The following CDC42BPB variants were observed in gnomAD, a reference collection of about 807,000 sequenced individuals.
CDC42BPB encodes serine/threonine-protein kinase MRCK beta.
A neutral mutation model predicts 214.9 loss-of-function variants in CDC42BPB; 37 were observed. The ratio of observed to expected loss-of-function variants is 0.17; its 90% confidence interval spans 0.13 to 0.23. The LOEUF (loss-of-function observed/expected upper bound fraction) is 0.23, where lower values mean the gene tolerates loss of function less well. Ranked by LOEUF, CDC42BPB falls within the 10% of genes least tolerant of loss-of-function variation. CDC42BPB has a pLI of 1.00. For missense variants in CDC42BPB, 1,694 were observed against 2,227.0 expected, an observed-to-expected ratio of 0.76 and a Z score of 4.82; for synonymous variants, 931 against 884.0, an observed-to-expected ratio of 1.05 and a Z score of -0.94.
chr14:103,028,813 T>C (rs1264104460), intron 1 of CDC42BPB, among the ~76,000 whole-genome samples: 1 of 152,248 alleles, frequency 6.6e-6, no homozygotes, highest in Non-Finnish European at 1.5e-5. Context: ...ATTTTATCTT[T>C]TATTATTTTT....
At chr14:103,021,480 C>T (rs899303161) in intron 1 of CDC42BPB, among the ~76,000 whole-genome samples, 2 of 149,418 alleles carry the variant, frequency 1.3e-5, no homozygotes, top group African/African-American at 2.5e-5. Flanking sequence ...AAAAAGACAT[C>T]AAGGCCATCC....
At chr14:102,967,408 C>T in intron 16 of CDC42BPB, 1 of 950,608 alleles carries the variant, frequency 1.1e-6, no homozygotes, top group South Asian at 4.9e-5. Flanking sequence ...CAATTGGCAT[C>T]TTTTCGCTGA....
rs147452606 is a variant in CDC42BPB, at chr14:102,956,790, C to T, written c.2902-2102G>A. Among the ~76,000 whole-genome samples, 167 of 152,108 alleles carry T rather than the reference C, an allele frequency of 1.1e-3. 1 individual carries two copies. The highest frequency in any genetic ancestry group is 0.011 in the East Asian group (55 of 5,168). On this transcript the variant is annotated intron_variant, in intron 21 of 36. Transcript: ENST00000361246. ...GTTGCAGTGAGCTATGATGGTGGCACGGCACTCCAGCCTGGGCAGCAGAAG... is the reference window on the plus strand; with the variant it reads ...GTTGCAGTGAGCTATGATGGTGGCATGGCACTCCAGCCTGGGCAGCAGAAG...
intron 36 of CDC42BPB, among the ~76,000 whole-genome samples, chr14:102,935,812 C>T (rs969749104): frequency 6.8e-6 from 1 of 147,038 alleles, no homozygotes; most frequent in Non-Finnish European, 1.5e-5. Context: ...ATGTAAATAA[C>T]GACAACCCAT....
In CDC42BPB at chr14:102,933,745, G is replaced by C. The variant is rs35239675; in HGVS notation, c.5103C>G (p.Leu1701=). ...PNSPHRSQLP[L]EGLEQPACDT ...CACAGGCCGGCTGCTCCAGGCCTTC[G>C]AGGGGGAGCTGGCTCCTGTGGGGGG... Residue 1701 remains leucine, a synonymous_variant, in exon 37 of 37, where the codon CTC becomes CTG. Transcript: ENST00000361246. 112 of 1,493,482 alleles carry C rather than the reference G, an allele frequency of 7.5e-5. No individual in the cohort carries two copies. The African/African-American group carries it at 1.2e-3, about 15-fold the overall frequency. The allele number at this position is 1,493,482 out of a possible 1,614,324, so 92.5% of individuals were successfully genotyped here.
chr14:103,018,946 T>A (rs1370191237), intron 1 of CDC42BPB, among the ~76,000 whole-genome samples: 1 of 152,034 alleles, frequency 6.6e-6, no homozygotes, highest in African/African-American at 2.4e-5. Context: ...TTCGGTTTTT[T>A]GGTTTGTTTG....
chr14:102,935,996 T>C (rs1410181340), intron 36 of CDC42BPB, among the ~76,000 whole-genome samples: 1 of 152,026 alleles, frequency 6.6e-6, no homozygotes, highest in Non-Finnish European at 1.5e-5. Context: ...AACAAGCATA[T>C]GAAAAGATGC....
intron 24 of CDC42BPB, among the ~76,000 whole-genome samples, chr14:102,951,165 G>A (rs35713138): frequency 6.6e-6 from 1 of 152,214 alleles, no homozygotes; most frequent in Non-Finnish European, 1.5e-5. Flanking sequence ...CTGCCAGCCC[G>A]GGCCGCCTCC....
intron 1 of CDC42BPB, among the ~76,000 whole-genome samples, chr14:103,044,530 C>T (rs1206888111): frequency 1.3e-5 from 2 of 152,028 alleles, no homozygotes; most frequent in Non-Finnish European, 2.9e-5. Flanking sequence ...CCACCATGCC[C>T]GGCTAACTTT....
Position 102,950,528 on chromosome 14 carries a change from T to G in CDC42BPB, c.3247A>C (p.Lys1083Gln), listed in dbSNP as rs1466712824. ...TGCACGTCCACGCCCAGAGGCCTCT[T>G]GGACTGCTCGGGAGGTATTGGGCAC... ...QVCPIPPEQSKRPLGVDVQRG... is the reference protein window; with the variant it reads ...QVCPIPPEQSQRPLGVDVQRG... The change falls in exon 25 of 37, where the codon AAG (lysine) becomes CAG (glutamine). Residue 1083 changes from lysine (K) to glutamine (Q), a missense_variant. This residue lies in a region of CDC42BPB where 567 missense variants were observed against 790.3 expected (regional missense o/e 0.72). Coordinates refer to ENST00000361246, the MANE Select transcript of CDC42BPB (RefSeq NM_006035.4). 6.2e-7 allele frequency: 1 copy of G among 1,613,096 alleles called. No homozygotes were observed. Among genetic ancestry groups the G allele is most frequent in the Non-Finnish European group, 8.5e-7 (1 of 1,179,868 alleles).
Position 102,944,806 on chromosome 14 carries a change from G to A in CDC42BPB, c.3812-319C>T. On this transcript the variant is annotated intron_variant, in intron 29 of 36. Transcript: ENST00000361246. The surrounding 1 kb of genome is among the most constrained non-coding windows in gnomAD (Gnocchi z 6.6). ...CTCCAGCTGGGCAGCGCTTCCACCT[G>A]GGTCCTCGCGCAGCAAGGCCCTGGG... The A allele has an allele frequency of 2.7e-6, 1 of 364,194 alleles. No homozygotes were observed. The highest frequency in any genetic ancestry group is 3.8e-6 in the Non-Finnish European group (1 of 262,338). The allele number at this position is 364,194 out of a possible 1,614,324, so 22.6% of individuals were successfully genotyped here.
intron 9 of CDC42BPB, among the ~76,000 whole-genome samples, chr14:102,977,258 G>C (rs1893791489): frequency 6.9e-6 from 1 of 145,292 alleles, no homozygotes; most frequent in Non-Finnish European, 1.5e-5. Flanking sequence ...GGAATCGCTT[G>C]AACCCGGGAG....
chr14:102,959,860 A>AG lies in CDC42BPB; in HGVS notation c.2822-151dup, dbSNP rs1367812923. Reference sequence around the variant, plus strand: ...AATTAAAAAAAAAAAAAAAAAAAAAAGGGGTCAGGCTTTTCCCCAGAGAGT... The same window carrying AG: ...AATTAAAAAAAAAAAAAAAAAAAAAAGGGGGTCAGGCTTTTCCCCAGAGAGT... On this transcript the variant is annotated intron_variant, in intron 20 of 36. Coordinates refer to ENST00000361246, the MANE Select transcript of CDC42BPB (RefSeq NM_006035.4). The AG allele has an allele frequency of 2.6e-4, 301 of 1,145,668 alleles. 1 individual carries two copies. In the African/African-American group the frequency reaches 4.4e-3, roughly 17 times the overall value. 71.0% of individuals were successfully genotyped at this position (1,145,668 alleles called of 1,614,324 possible).
Position 102,944,455 on chromosome 14 carries a change from G to T in CDC42BPB, c.3844C>A (p.His1282Asn). Residue 1282 changes from histidine (H) to asparagine (N), a missense_variant, in exon 30 of 37, where the codon CAC becomes AAC. His to Asn is a moderately conservative substitution (Grantham distance 68). Coordinates refer to ENST00000361246, the MANE Select transcript of CDC42BPB (RefSeq NM_006035.4). This position sits in a 1 kb window ranked among gnomAD's most constrained non-coding sequence, Gnocchi z 6.6. ...TCCCTGGGAGCAAGCTCGATCTGGT[G>T]TACCTTCTTACAGTCAGCGGCACGG... Reference protein sequence around the residue: ...IVRAADCKKVHQIELAPREKI... With the variant: ...IVRAADCKKVNQIELAPREKI... The T allele has an allele frequency of 6.2e-7, 1 of 1,612,874 alleles. No individual in the cohort carries two copies. Among genetic ancestry groups the T allele is most frequent in the Non-Finnish European group, 8.5e-7 (1 of 1,179,936 alleles).
intron 1 of CDC42BPB, among the ~76,000 whole-genome samples, chr14:103,036,435 G>A (rs951598820): frequency 2.6e-5 from 4 of 151,988 alleles, no homozygotes; most frequent in Non-Finnish European, 4.4e-5. Flanking sequence ...GATTATAGGC[G>A]TGAGCCACCG....
intron 6 of CDC42BPB, among the ~76,000 whole-genome samples, chr14:102,984,105 T>C (rs1894128858): frequency 6.6e-6 from 1 of 152,150 alleles, no homozygotes; most frequent in Admixed American, 6.5e-5. Context: ...GCACTAAACA[T>C]TATGCGGCTC....
chr14:102,972,079 TGCAGGGCCA>T lies in CDC42BPB; in HGVS notation c.1715_1723del (p.Leu572_Leu574del). ...GCGCTCGTTCAGCTCCGAGAACTCC[TGCAGGGCCA>T]GCTTTCGCTGCTGATGGGCATCTTT... is the stretch of plus-strand genomic sequence containing the variant. On this transcript the variant is annotated inframe_deletion, in exon 13 of 37. Transcript: ENST00000361246. 6.2e-7 allele frequency: 1 copy of T among 1,614,274 alleles called. No individual in the cohort carries two copies. The highest frequency in any genetic ancestry group is 8.5e-7 in the Non-Finnish European group (1 of 1,180,054).
At chr14:103,018,119 A>G (rs1171354508) in intron 1 of CDC42BPB, among the ~76,000 whole-genome samples, 1 of 152,148 alleles carries the variant, frequency 6.6e-6, no homozygotes, top group Non-Finnish European at 1.5e-5. Context: ...CCTCAAATAC[A>G]CAGTTCACAA....
In CDC42BPB at chr14:102,990,594, C is replaced by T. The variant is rs556910400; in HGVS notation, c.597-4014G>A. 1.4e-4 allele frequency among the ~76,000 whole-genome samples: 22 copies of T among 152,294 alleles called. 1 individual carries two copies. In the South Asian group the frequency reaches 4.6e-3, roughly 32 times the overall value. ...GAGTGTGTCTATACCTCTGTTACTA[C>T]CTCTGTGCACTGAGGGGCCTAGAAG... is the stretch of plus-strand genomic sequence containing the variant. On this transcript the variant is annotated intron_variant, in intron 5 of 36. Coordinates refer to ENST00000361246, the MANE Select transcript of CDC42BPB (RefSeq NM_006035.4).
Sources: allele counts gnomAD v4.1 joint callset (sites outside exome capture counted in the v4.1 genomes callset), GRCh38; gene constraint gnomAD v4.1.1; regional missense constraint gnomAD v4.1.1; non-coding constraint Gnocchi (gnomAD v3.1); transcripts MANE v1.5; gene names NCBI Gene and HGNC (gene_info 2026-07-23, HGNC 2026-07-21).